Variants in CRPPA observed in about 807,000 individuals in gnomAD.
CRPPA encodes D-ribitol-5-phosphate cytidylyltransferase.
Under a neutral mutation model 52.0 loss-of-function variants are expected in CRPPA, and 43 were observed. That is an observed-to-expected ratio of 0.83 (90% CI 0.65 to 1.07). The LOEUF (loss-of-function observed/expected upper bound fraction) is 1.07, where lower values mean the gene tolerates loss of function less well. Among genes scored for constraint, CRPPA ranks in the 50% least tolerant of loss-of-function variants. The pLI, the probability that CRPPA is intolerant of heterozygous loss-of-function variation, is 0.00. For synonymous variants in CRPPA, 250 were observed against 203.5 expected (o/e 1.23, Z -1.94); for missense variants, 629 against 551.7 (o/e 1.14, Z -1.40).
chr7:16,224,108 T>A (rs1782589915), intron 8 of CRPPA, among the ~76,000 whole-genome samples: 1 of 152,120 alleles, frequency 6.6e-6, no homozygotes, highest in Non-Finnish European at 1.5e-5. Flanking sequence ...TAACATGTGG[T>A]TAGCCTCATG....
chr7:16,125,269 A>G (rs1368857079), intron 9 of CRPPA, among the ~76,000 whole-genome samples: 2 of 151,108 alleles, frequency 1.3e-5, no homozygotes, highest in Admixed American at 6.6e-5. Context: ...AAAAAAAAAA[A>G]AAAAAAAAAA....
intron 9 of CRPPA, among the ~76,000 whole-genome samples, chr7:16,145,111 C>A (rs1346494416): frequency 6.6e-6 from 1 of 152,184 alleles, no homozygotes; most frequent in African/African-American, 2.4e-5. Context: ...TGACTGCTGT[C>A]CCTGAAGCAG....
intron 9 of CRPPA, among the ~76,000 whole-genome samples, chr7:16,172,033 T>C (rs1781197925): frequency 6.6e-6 from 1 of 152,208 alleles, no homozygotes; most frequent in East Asian, 1.9e-4. Context: ...CAGTTCCCTA[T>C]GGTTCACCTC....
At chr7:16,291,958 G>A (rs926112299) in intron 5 of CRPPA, among the ~76,000 whole-genome samples, 5 of 151,768 alleles carry the variant, frequency 3.3e-5, no homozygotes, top group Middle Eastern at 3.2e-3. Flanking sequence ...ATTTCCATCT[G>A]GAAGTAGAAA....
intron 2 of CRPPA, among the ~76,000 whole-genome samples, chr7:16,388,877 A>G (rs1204801338): frequency 1.3e-5 from 2 of 152,204 alleles, no homozygotes; most frequent in East Asian, 3.8e-4. Context: ...CTCCATCTCA[A>G]ACCAACAAAA....
chr7:16,202,201 A>G (rs1781875761), intron 9 of CRPPA, among the ~76,000 whole-genome samples: 1 of 152,190 alleles, frequency 6.6e-6, no homozygotes, highest in Non-Finnish European at 1.5e-5. Context: ...GTTTGTACTC[A>G]TGTTTATGAA....
At chr7:16,166,109 G>A (rs75292975) in intron 9 of CRPPA, among the ~76,000 whole-genome samples, 5,057 of 152,206 alleles carry the variant, frequency 0.033, 280 homozygotes, top group African/African-American at 0.12. Context: ...AGTCAAACCT[G>A]TGAGGGTTTT....
chr7:16,341,424 T>TA (rs1785827031), intron 3 of CRPPA, among the ~76,000 whole-genome samples: 1 of 152,118 alleles, frequency 6.6e-6, no homozygotes. Flanking sequence ...AAAAAGTCTT[T>TA]AAAAAATAAA....
At chr7:16,163,594 C>T (rs1011227476) in intron 9 of CRPPA, among the ~76,000 whole-genome samples, 4 of 152,136 alleles carry the variant, frequency 2.6e-5, no homozygotes, top group Non-Finnish European at 5.9e-5. Context: ...TTAGTTGATG[C>T]AGTTTCTTCA....
At chr7:16,299,116 T>C (rs1423473478) in intron 5 of CRPPA, among the ~76,000 whole-genome samples, 1 of 152,206 alleles carries the variant, frequency 6.6e-6, no homozygotes. Flanking sequence ...ACAACCCTGA[T>C]TAATACACTA....
At chr7:16,219,316 A>C (rs2128399633) in intron 8 of CRPPA, among the ~76,000 whole-genome samples, 1 of 146,106 alleles carries the variant, frequency 6.8e-6, no homozygotes, top group South Asian at 2.3e-4. Flanking sequence ...AATTTATAGC[A>C]CTAAATGCCC....
At chr7:16,306,561 C>T (rs550235669) in intron 4 of CRPPA, among the ~76,000 whole-genome samples, 1 of 152,176 alleles carries the variant, frequency 6.6e-6, no homozygotes, top group Non-Finnish European at 1.5e-5. Context: ...GGGCTCAGAA[C>T]ATGCAAAAGA....
At chr7:16,183,194 C>A (rs2128388196) in intron 9 of CRPPA, among the ~76,000 whole-genome samples, 1 of 152,186 alleles carries the variant, frequency 6.6e-6, no homozygotes, top group East Asian at 1.9e-4. Flanking sequence ...ACAATGCCAG[C>A]AAAGGAGTAA....
chr7:16,181,330 A>G (rs577110540), intron 9 of CRPPA, among the ~76,000 whole-genome samples: 1 of 152,112 alleles, frequency 6.6e-6, no homozygotes, highest in Admixed American at 6.6e-5. Flanking sequence ...AAATACATCA[A>G]TATCCATAAT....
At chr7:16,374,419 G>A (rs549833189) in intron 3 of CRPPA, among the ~76,000 whole-genome samples, 24 of 152,268 alleles carry the variant, frequency 1.6e-4, no homozygotes, top group African/African-American at 4.3e-4. Context: ...TCCCCAGCTT[G>A]CAGACGGCCT....
In CRPPA at chr7:16,152,694, T is replaced by A. The variant is rs554226753; in HGVS notation, c.1252-60895A>T. Among the ~76,000 whole-genome samples, 9 of 152,152 alleles carry A rather than the reference T, an allele frequency of 5.9e-5. No individual in the cohort carries two copies. In the East Asian group the frequency reaches 1.7e-3, roughly 29 times the overall value. ...TGATTTTGCCCTTAGTATTTCAACA[T>A]GAAAGGCAGGGTCTTGGTTTAAAGT... On this transcript the variant is annotated intron_variant, in intron 9 of 9. Coordinates refer to ENST00000407010, the MANE Select transcript of CRPPA (RefSeq NM_001101426.4).
At chr7:16,298,686 C>T (rs1200826834) in intron 5 of CRPPA, among the ~76,000 whole-genome samples, 1 of 152,054 alleles carries the variant, frequency 6.6e-6, no homozygotes, top group Non-Finnish European at 1.5e-5. Flanking sequence ...TAAGGGATCC[C>T]CAATTAGCTG....
chr7:16,268,131 C>T (rs903430533), intron 6 of CRPPA, among the ~76,000 whole-genome samples: 5 of 151,816 alleles, frequency 3.3e-5, no homozygotes, highest in Admixed American at 6.6e-5. Context: ...ATGACAATCA[C>T]TTAAATGACA....
At chr7:16,332,093 G>T (rs140746350) in intron 3 of CRPPA, among the ~76,000 whole-genome samples, 174 of 152,288 alleles carry the variant, frequency 1.1e-3, no homozygotes, top group African/African-American at 4.0e-3. Flanking sequence ...CTTACCTATA[G>T]AAGGGCAAGG....
Sources: gnomAD v4.1 joint callset for allele counts (sites outside exome capture counted in the v4.1 genomes callset) on GRCh38, gnomAD v4.1.1 for gene constraint, MANE v1.5 for transcripts, NCBI Gene and HGNC (gene_info 2026-07-23, HGNC 2026-07-21) for gene names.